The following LY6S variants were observed in gnomAD, a reference collection of about 807,000 sequenced individuals.
LY6S encodes the protein lymphocyte antigen 6 family member S, also known as lymphocyte antigen 6S.
At chr8:143,071,833 G>C in the LY6S span, among the ~76,000 whole-genome samples, 2 of 152,096 alleles carry the variant, frequency 1.3e-5, no homozygotes, top group Non-Finnish European at 2.9e-5. Context: ...CAAGATCTAC[G>C]GGAGTTTCCC....
chr8:143,072,587 GT>G, the LY6S span, among the ~76,000 whole-genome samples: 2 of 93,022 alleles, frequency 2.2e-5, no homozygotes, highest in East Asian at 5.3e-4. Context: ...CGTCCTCGGG[GT>G]TCCTGTTTGA....
chr8:143,043,184 G>T, the LY6S span: 1 of 1,367,876 alleles, frequency 7.3e-7, no homozygotes, highest in East Asian at 4.5e-5. Flanking sequence ...ACAGGGCCCA[G>T]GGGCTGCTGG....
the LY6S span, among the ~76,000 whole-genome samples, chr8:143,066,839 C>T: frequency 2.0e-5 from 3 of 152,104 alleles, no homozygotes; most frequent in East Asian, 1.9e-4. Flanking sequence ...TGAGAAGGGA[C>T]GATCTTACTT....
the LY6S span, among the ~76,000 whole-genome samples, chr8:143,055,202 T>G: frequency 0.83 from 125,392 of 151,800 alleles, 51,883 homozygotes; most frequent in East Asian, 0.94. Context: ...GTTTTTTTTT[T>G]TTGTTGTTGT....
At chr8:143,070,463 TA>T in the LY6S span, among the ~76,000 whole-genome samples, 1,751 of 37,520 alleles carry the variant, frequency 0.047, 63 homozygotes, top group East Asian at 0.13. Context: ...TATATATATA[TA>T]ATATATATAT....
At chr8:143,072,272 G>A in the LY6S span, among the ~76,000 whole-genome samples, 35 of 128,886 alleles carry the variant, frequency 2.7e-4, no homozygotes, top group Admixed American at 6.5e-4. Context: ...GACAGCCGTC[G>A]TCCCCGGGGT....
At chr8:143,066,806 G>A in the LY6S span, among the ~76,000 whole-genome samples, 2 of 152,184 alleles carry the variant, frequency 1.3e-5, no homozygotes, top group African/African-American at 2.4e-5. Context: ...ATGCTGGGAC[G>A]AGTTAAGACT....
the LY6S span, chr8:143,057,567 C>T: frequency 8.0e-7 from 1 of 1,254,090 alleles, no homozygotes. Context: ...CTCTTGATAA[C>T]CGTCTCTGGT....
chr8:143,048,834 T>A, the LY6S span, among the ~76,000 whole-genome samples: 2 of 152,130 alleles, frequency 1.3e-5, no homozygotes. Context: ...ATTTTCCACC[T>A]CCTTCAGATG....
At chr8:143,060,496 C>G in the LY6S span, among the ~76,000 whole-genome samples, 5 of 152,238 alleles carry the variant, frequency 3.3e-5, no homozygotes, top group Admixed American at 3.3e-4. Flanking sequence ...ATGACGTAAG[C>G]TGTCCCCTCT....
At chr8:143,046,273 G>C in the LY6S span, among the ~76,000 whole-genome samples, 1 of 152,150 alleles carries the variant, frequency 6.6e-6, no homozygotes, top group Non-Finnish European at 1.5e-5. Context: ...AACCACTTTT[G>C]CAAGATTATA....
At chr8:143,070,482 TATA>T in the LY6S span, among the ~76,000 whole-genome samples, 2 of 104,292 alleles carry the variant, frequency 1.9e-5, no homozygotes, top group African/African-American at 1.1e-4. Context: ...TATAAATATA[TATA>T]TATATTTTTT....
At chr8:143,072,787 C>T in the LY6S span, among the ~76,000 whole-genome samples, 26 of 111,406 alleles carry the variant, frequency 2.3e-4, no homozygotes, top group South Asian at 5.2e-3. Flanking sequence ...CCGTCGTCCC[C>T]GGGGTCCCTG....
the LY6S span, among the ~76,000 whole-genome samples, chr8:143,064,549 A>G: frequency 1.7e-4 from 26 of 152,320 alleles, no homozygotes; most frequent in African/African-American, 6.0e-4. Flanking sequence ...GGCTACTCCA[A>G]ATATAGTTGG....
the LY6S span, among the ~76,000 whole-genome samples, chr8:143,046,277 G>A: frequency 5.3e-5 from 8 of 152,106 alleles, no homozygotes; most frequent in Non-Finnish European, 8.8e-5. Context: ...ACTTTTGCAA[G>A]ATTATAACAA....
chr8:143,070,732 G>A, the LY6S span, among the ~76,000 whole-genome samples: 175 of 151,520 alleles, frequency 1.2e-3, 1 homozygote, highest in African/African-American at 4.1e-3. Flanking sequence ...TGATCCACTC[G>A]CCTCGGCCTC....
At chr8:143,058,564 G>A in the LY6S span, among the ~76,000 whole-genome samples, 5,985 of 108,634 alleles carry the variant, frequency 0.055, 305 homozygotes, top group East Asian at 0.2. Context: ...ACATGAAAGC[G>A]GACTAGGAGC....
At chr8:143,043,088 G>T in the LY6S span, 8 of 1,367,704 alleles carry the variant, frequency 5.8e-6, no homozygotes, top group Non-Finnish European at 7.8e-6. Flanking sequence ...GGGACAGAGG[G>T]TAGGCCTGCG....
At chr8:143,046,299 C>A in the LY6S span, among the ~76,000 whole-genome samples, 5 of 152,108 alleles carry the variant, frequency 3.3e-5, no homozygotes, top group African/African-American at 1.2e-4. Context: ...GAGAGGAGGC[C>A]AGGCACGGTG....
Sources: gnomAD v4.1 joint callset for allele counts (sites outside exome capture counted in the v4.1 genomes callset) on GRCh38, gnomAD v4.1.1 for gene constraint, MANE v1.5 for transcripts, NCBI Gene and HGNC (gene_info 2026-07-23, HGNC 2026-07-21) for gene names.